Variants in AEN observed in about 807,000 individuals in gnomAD.
AEN encodes the protein apoptosis enhancing nuclease.
Under a neutral mutation model 17.7 loss-of-function variants are expected in AEN, and 21 were observed. The ratio of observed to expected loss-of-function variants is 1.19; its 90% CI spans 0.84 to 1.71. The LOEUF (loss-of-function observed/expected upper bound fraction) is 1.71, where lower values mean the gene tolerates loss of function less well. AEN is among the 40% of genes most tolerant of loss of function. The pLI is 0.00. For synonymous variants in AEN, 190 were observed against 173.0 expected, an observed-to-expected ratio of 1.10 and a Z score of -0.77; for missense variants, 462 against 435.9, an observed-to-expected ratio of 1.06 and a Z score of -0.53.
upstream of AEN, among the ~76,000 whole-genome samples, chr15:88,616,982 G>T (rs1460664251): frequency 6.6e-6 from 1 of 152,176 alleles, no homozygotes; most frequent in East Asian, 1.9e-4. Context: ...TGGCCTCATT[G>T]TTAAGTCACA....
the AEN span, among the ~76,000 whole-genome samples, chr15:88,613,844 T>C: frequency 6.6e-6 from 1 of 152,274 alleles, no homozygotes; most frequent in East Asian, 1.9e-4. Flanking sequence ...TAATATAAAA[T>C]AGCATGGGTA....
the AEN span, among the ~76,000 whole-genome samples, chr15:88,606,533 G>A: frequency 8.7e-6 from 1 of 114,332 alleles, no homozygotes; most frequent in Non-Finnish European, 1.8e-5. Flanking sequence ...AGGTGGAGAA[G>A]GAAGGGAAAG....
rs752664845 is a variant in AEN at position 88,630,507 on chromosome 15, T to G, written c.*213T>G. 2 of 568,736 alleles carry G rather than the reference T, an allele frequency of 3.5e-6. No individual in the cohort carries two copies. The highest frequency in any genetic ancestry group is 6.3e-6 in the Non-Finnish European group (2 of 317,264). The allele number at this position is 568,736 out of a possible 1,614,324, so 35.2% of individuals were successfully genotyped here. A position where few individuals can be genotyped will look rare whatever the true frequency, so the allele number is the denominator to read the frequency against. On this transcript the variant is annotated 3_prime_UTR_variant, in exon 4 of 4. Coordinates refer to ENST00000332810, the MANE Select transcript of AEN (RefSeq NM_022767.4). The surrounding 1 kb of genome is among the most constrained non-coding windows in gnomAD (Gnocchi z 5.1). ...AGGGCTGTTGGTTCTTTCTTCTGAC[T>G]CCTGTGGTTTTGCTAATGGCACTTT...
chr15:88,615,183 T>G, the AEN span, among the ~76,000 whole-genome samples: 3 of 152,166 alleles, frequency 2.0e-5, no homozygotes, highest in Non-Finnish European at 2.9e-5. Context: ...TTTTTTCAAG[T>G]TCAGCATGTT....
Position 88,626,524 on chromosome 15 carries a change from C to G in AEN, c.315C>G (p.Pro105=). 6.2e-7 allele frequency: 1 copy of G among 1,614,208 alleles called. No individual in the cohort carries two copies. The highest frequency in any genetic ancestry group is 8.5e-7 in the Non-Finnish European group (1 of 1,180,046). ...RRPAPGKASG[P]LPSKCVAIDC... is the part of the protein sequence containing the mutation. ...CTGCTCCCGGGAAAGCCTCAGGGCCCTTGCCCAGCAAGTGTGTGGCTATCG... is the reference window on the plus strand; with the variant it reads ...CTGCTCCCGGGAAAGCCTCAGGGCCGTTGCCCAGCAAGTGTGTGGCTATCG... The change falls in exon 2 of 4, where the codon CCC becomes CCG. Residue 105 remains proline, a synonymous_variant. Coordinates refer to ENST00000332810, the MANE Select transcript of AEN (RefSeq NM_022767.4).
chr15:88,628,989 G>A, intron 2 of AEN: 1 of 517,100 alleles, frequency 1.9e-6, no homozygotes, highest in Admixed American at 3.6e-5. Context: ...GCTGCTGGCA[G>A]TGTTTCCCTT....
At chr15:88,616,588 C>T (rs1453041802), upstream of AEN, among the ~76,000 whole-genome samples, 1 of 152,198 alleles carries the variant, frequency 6.6e-6, no homozygotes, top group Admixed American at 6.5e-5. Context: ...TGAGACCACC[C>T]TTACTGAATA....
the AEN span, among the ~76,000 whole-genome samples, chr15:88,608,508 A>G: frequency 6.6e-6 from 1 of 152,184 alleles, no homozygotes; most frequent in African/African-American, 2.4e-5. Context: ...CTAAAAATAG[A>G]TAATTGGTCC....
chr15:88,628,151 C>G (rs1022821711), intron 2 of AEN: 4 of 152,142 alleles, frequency 2.6e-5, no homozygotes, highest in African/African-American at 9.7e-5. Context: ...AGCAGGACCA[C>G]TTTTTGTCTG....
At chr15:88,611,742 A>T in the AEN span, 1 of 349,578 alleles carries the variant, frequency 2.9e-6, no homozygotes, top group East Asian at 1.1e-4. Flanking sequence ...AGCGGAGACA[A>T]CGCCTCGCCT....
upstream of AEN, among the ~76,000 whole-genome samples, chr15:88,618,035 A>G (rs2141362878): frequency 6.6e-6 from 1 of 152,156 alleles, no homozygotes; most frequent in South Asian, 2.1e-4. Flanking sequence ...ACTTACCTAC[A>G]CCAGGTTCTT....
At chr15:88,614,671 C>A in the AEN span, among the ~76,000 whole-genome samples, 2 of 152,130 alleles carry the variant, frequency 1.3e-5, no homozygotes, top group African/African-American at 2.4e-5. Context: ...TCCCGGCTCA[C>A]GTTTCCCTGG....
At chr15:88,618,083 C>T (rs2057753314), upstream of AEN, among the ~76,000 whole-genome samples, 2 of 152,238 alleles carry the variant, frequency 1.3e-5, no homozygotes, top group East Asian at 3.9e-4. Flanking sequence ...AAGAAAATCC[C>T]TTTTTGCCTA....
rs776384576 is a variant in AEN, at chr15:88,631,220, C to T, written c.*926C>T. ...TTTATTTATTAACAGCAGGGCCACT[C>T]GTCTAGGGCAGTGGAGTCTGCGTGT... On this transcript the variant is annotated 3_prime_UTR_variant, in exon 4 of 4. Transcript: ENST00000332810. 55 of 454,174 alleles carry T rather than the reference C, an allele frequency of 1.2e-4. No individual in the cohort carries two copies. The highest frequency in any genetic ancestry group is 9.2e-4 in the African/African-American group (46 of 50,030). 28.1% of individuals were successfully genotyped at this position (454,174 alleles called of 1,614,324 possible).
the AEN span, chr15:88,604,961 G>A: frequency 2.0e-5 from 3 of 152,272 alleles, 1 homozygote; most frequent in Admixed American, 6.5e-5. This position sits in a 1 kb window ranked among gnomAD's most constrained non-coding sequence, Gnocchi z 8.1. Context: ...AAAAATCCCA[G>A]CCGAGGTCCC....
rs563104587 is a variant in AEN, at chr15:88,626,583, G to A, written c.374G>A (p.Arg125Gln). 3.7e-6 allele frequency: 6 copies of A among 1,614,146 alleles called. No individual in the cohort carries two copies. Among genetic ancestry groups the A allele is most frequent in the South Asian group, 1.1e-5 (1 of 91,090 alleles). Residue 125 changes from arginine (R) to glutamine (Q), a missense_variant, in exon 2 of 4, where the codon CGG (arginine) becomes CAG (glutamine). Transcript: ENST00000332810. ...CEMVGTGPRG[R>Q]VSELARCSIV... is the part of the protein sequence containing the mutation. ...ATGGTGGGCACGGGACCCCGAGGGC[G>A]GGTAAGCGAGCTGGCCCGCTGTTCC...
At chr15:88,613,275 C>A in the AEN span, among the ~76,000 whole-genome samples, 1 of 152,178 alleles carries the variant, frequency 6.6e-6, no homozygotes, top group African/African-American at 2.4e-5. Flanking sequence ...TCTGCTGCTC[C>A]CTATCCTACA....
chr15:88,608,028 T>G, the AEN span: 1 of 475,224 alleles, frequency 2.1e-6, no homozygotes, highest in Non-Finnish European at 4.5e-6. Flanking sequence ...GTGTGGTTTT[T>G]TTTAATTATT....
At chr15:88,615,106 C>T in the AEN span, among the ~76,000 whole-genome samples, 56 of 152,176 alleles carry the variant, frequency 3.7e-4, no homozygotes, top group Non-Finnish European at 6.3e-4. Context: ...CCTCGTGATC[C>T]GCCCACCTCG....
Sources: allele counts gnomAD v4.1 joint callset (sites outside exome capture counted in the v4.1 genomes callset), GRCh38; gene constraint gnomAD v4.1.1; non-coding constraint Gnocchi (gnomAD v3.1); transcripts MANE v1.5; gene names NCBI Gene and HGNC (gene_info 2026-07-23, HGNC 2026-07-21).